The following CHST15 variants were observed in gnomAD, a reference collection of about 807,000 sequenced individuals.
CHST15 encodes the protein B cell RAG associated protein (GALNAC4S-6ST).
In CHST15, 30 loss-of-function variants were observed where a neutral mutation model predicts 53.6. The observed-to-expected ratio is 0.56, with a 90% CI of 0.42 to 0.76. The LOEUF (loss-of-function observed/expected upper bound fraction) is 0.76. CHST15 is among the 30% of genes least tolerant of loss of function. The pLI is 0.00. For missense variants in CHST15, 627 were observed against 740.5 expected (o/e 0.85, Z 1.78); for synonymous variants, 296 against 289.8 (o/e 1.02, Z -0.22).
chr10:124,049,653 C>A (rs1948124036), intron 1 of CHST15, among the ~76,000 whole-genome samples: 1 of 152,158 alleles, frequency 6.6e-6, no homozygotes, highest in South Asian at 2.1e-4. Context: ...GGCATGGAAG[C>A]TCCACACACC....
chr10:124,020,765 C>A, intron 6 of CHST15: 1 of 1,057,760 alleles, frequency 9.5e-7, no homozygotes, highest in Non-Finnish European at 1.1e-6. Flanking sequence ...TAGAAATTTA[C>A]AGACATAGTT....
chr10:124,072,236 T>G (rs1239662629), intron 1 of CHST15, among the ~76,000 whole-genome samples: 1 of 152,140 alleles, frequency 6.6e-6, no homozygotes, highest in African/African-American at 2.4e-5. Context: ...AGTTACAAAT[T>G]TGACAGAGCC....
chr10:124,020,844 A>C (rs4072197), intron 6 of CHST15: 723,370 of 1,228,836 alleles, frequency 0.59, 214,260 homozygotes, highest in African/African-American at 0.66. Flanking sequence ...ACTCTGTCAA[A>C]GAAGCATTGA....
rs1172666996 is a variant in CHST15, at chr10:124,045,630, TCAAC to T, written c.546+33_546+36del. The T allele has an allele frequency of 4.6e-6, 7 of 1,513,106 alleles. No homozygotes were observed. The African/African-American group carries it at 7.0e-5, about 15-fold the overall frequency. 93.7% of individuals were successfully genotyped at this position (1,513,106 alleles called of 1,614,324 possible). On this transcript the variant is annotated intron_variant, in intron 2 of 7. Coordinates refer to ENST00000435907, the MANE Select transcript of CHST15 (RefSeq NM_001270764.2). ...AAAGAAAAGCACTCATTTCTAAAAA[TCAAC>T]CAATCAGTCAAGATTAGCACAAAGC...
At chr10:124,093,277 G>T (rs1020778836) in intron 1 of CHST15, among the ~76,000 whole-genome samples, 192 bp downstream of exon 1, 1 of 149,150 alleles carries the variant, frequency 6.7e-6, no homozygotes, top group African/African-American at 2.6e-5. Context: ...CCACCACCGC[G>T]CCGGGAGCGC....
At chr10:124,056,781 A>G (rs951184313) in intron 1 of CHST15, among the ~76,000 whole-genome samples, 1 of 150,828 alleles carries the variant, frequency 6.6e-6, no homozygotes, top group Non-Finnish European at 1.5e-5. Flanking sequence ...ACGACCGGAC[A>G]CTCCGCGGCC....
chr10:124,078,531 G>T (rs1193726672), intron 1 of CHST15, among the ~76,000 whole-genome samples: 1 of 152,204 alleles, frequency 6.6e-6, no homozygotes, highest in African/African-American at 2.4e-5. Context: ...TTATGTCTCA[G>T]AATCTCTCAG....
intron 1 of CHST15, among the ~76,000 whole-genome samples, chr10:124,090,866 C>G (rs978019346): frequency 1.3e-5 from 2 of 152,240 alleles, no homozygotes; most frequent in African/African-American, 2.4e-5. Context: ...ATGAATTACC[C>G]CTGCATGCTT....
intron 1 of CHST15, among the ~76,000 whole-genome samples, chr10:124,082,047 C>T (rs993758373): frequency 1.3e-5 from 2 of 152,082 alleles, no homozygotes; most frequent in East Asian, 1.9e-4. Flanking sequence ...CTTATTCGGC[C>T]GCTGGTGGAT....
rs758477205 is a variant in CHST15, at chr10:124,021,287, A to G, written c.1316T>C (p.Val439Ala). 36 of 1,611,186 alleles carry G rather than the reference A, an allele frequency of 2.2e-5. No individual in the cohort carries two copies. The highest frequency in any genetic ancestry group is 2.5e-5 in the Non-Finnish European group (29 of 1,178,958). Residue 439 changes from valine (V) to alanine (A), a missense_variant, in exon 6 of 8, where the codon GTC (valine) becomes GCC (alanine). Physicochemically the swap from Val to Ala is moderately conservative, Grantham distance 64 (BLOSUM62 0). This residue lies in a region of CHST15 where 279 missense variants were observed against 371.6 expected (regional missense o/e 0.75). Transcript: ENST00000435907. ...GGCGTTGTTGAGGGTGTTGTTGTAG[A>G]CGCAGGCGCGCAGTGAATAATCAAG... Reference protein sequence around the residue: ...CMLDYSLRACVYNNTLNNAMP... With the variant: ...CMLDYSLRACAYNNTLNNAMP...
intron 1 of CHST15, among the ~76,000 whole-genome samples, chr10:124,058,197 T>C (rs1032816498): frequency 1.3e-5 from 2 of 152,140 alleles, no homozygotes; most frequent in African/African-American, 4.8e-5. Flanking sequence ...GCTTACAGGG[T>C]GTGCCGAGAA....
In CHST15 at chr10:124,040,345, C is replaced by T. The variant is rs191578002; in HGVS notation, c.1034-1674G>A. Among the ~76,000 whole-genome samples the T allele has an allele frequency of 2.4e-3, 371 of 152,244 alleles. 2 individuals carry two copies. The highest frequency in any genetic ancestry group is 4.0e-3 in the Non-Finnish European group (271 of 68,022). On this transcript the variant is annotated intron_variant, in intron 4 of 7. Coordinates refer to ENST00000435907, the MANE Select transcript of CHST15 (RefSeq NM_001270764.2). ...GAGGAAAGCACGGCCCCTCCTCTCTCGGACCTTAAGACATAAGGGGGACGA... is the reference window on the plus strand; with the variant it reads ...GAGGAAAGCACGGCCCCTCCTCTCTTGGACCTTAAGACATAAGGGGGACGA...
intron 5 of CHST15, among the ~76,000 whole-genome samples, chr10:124,028,478 C>T (rs1223699155): frequency 6.6e-6 from 1 of 152,166 alleles, no homozygotes; most frequent in Non-Finnish European, 1.5e-5. Context: ...ATCCACGTAC[C>T]GTAGCATCCA....
chr10:124,034,748 C>A (rs1322494854), intron 5 of CHST15, among the ~76,000 whole-genome samples: 4 of 137,756 alleles, frequency 2.9e-5, no homozygotes, highest in Non-Finnish European at 4.7e-5. Context: ...CCCGGCTCCA[C>A]CCCCTAACAG....
At chr10:124,078,758 C>T (rs779725321) in intron 1 of CHST15, among the ~76,000 whole-genome samples, 1 of 152,186 alleles carries the variant, frequency 6.6e-6, no homozygotes, top group African/African-American at 2.4e-5. Flanking sequence ...TTCTAAAATG[C>T]TGTAGATCCC....
chr10:124,069,271 T>C (rs371954243), intron 1 of CHST15, among the ~76,000 whole-genome samples: 4 of 152,334 alleles, frequency 2.6e-5, no homozygotes, highest in African/African-American at 9.6e-5. Flanking sequence ...TTCTGCAGGC[T>C]CAGCTCTAGT....
At chr10:124,047,531 C>T (rs988743803) in intron 1 of CHST15, among the ~76,000 whole-genome samples, 1 of 152,076 alleles carries the variant, frequency 6.6e-6, no homozygotes, top group Non-Finnish European at 1.5e-5. Flanking sequence ...TTGTAGATGT[C>T]GTAGAAAGAG....
chr10:124,059,605 G>A (rs547057756), intron 1 of CHST15, among the ~76,000 whole-genome samples: 5 of 152,252 alleles, frequency 3.3e-5, no homozygotes, highest in African/African-American at 1.2e-4. Context: ...CTTCAGGACG[G>A]GCAGAGGAGA....
In CHST15 at chr10:124,088,000, C is replaced by G. The variant is rs75562589; in HGVS notation, c.-513+5469G>C. On this transcript the variant is annotated intron_variant, in intron 1 of 7. Transcript: ENST00000435907. The stretch of plus-strand genomic sequence containing the variant: ...TAAGGAAACCTAGCTGGAGCCAAGG[C>G]TTGCAGGGGCTCCTGCCTATATCCT... Among the ~76,000 whole-genome samples the G allele has an allele frequency of 9.2e-5, 14 of 152,362 alleles. No homozygotes were observed. In the East Asian group the frequency reaches 2.7e-3, roughly 29 times the overall value.
Sources: allele counts gnomAD v4.1 joint callset (sites outside exome capture counted in the v4.1 genomes callset), GRCh38; gene constraint gnomAD v4.1.1; regional missense constraint gnomAD v4.1.1; transcripts MANE v1.5; gene names NCBI Gene and HGNC (gene_info 2026-07-23, HGNC 2026-07-21).